Variants in SUCLG2 observed in about 807,000 individuals in gnomAD.
The protein encoded by SUCLG2 is succinate-CoA ligase GDP-forming subunit beta, also known as succinate--CoA ligase [GDP-forming] subunit beta, mitochondrial.
In SUCLG2, 42 loss-of-function variants were observed where a neutral mutation model predicts 47.9. The observed-to-expected ratio is 0.88, with a 90% confidence interval of 0.69 to 1.14. SUCLG2 has a LOEUF of 1.14. Ranked by LOEUF, SUCLG2 falls within the 50% of genes most tolerant of loss-of-function variation. The probability of loss-of-function intolerance (pLI) is 0.00; values close to 1 mark genes in which losing one functional copy is unlikely to be tolerated. For missense variants in SUCLG2, 571 were observed against 525.9 expected (o/e 1.09, Z -0.84); for synonymous variants, 195 against 197.3 (o/e 0.99, Z 0.10).
chr3:67,626,834 A>T (rs1489677375), intron 1 of SUCLG2, among the ~76,000 whole-genome samples: 2 of 149,588 alleles, frequency 1.3e-5, no homozygotes, highest in Non-Finnish European at 3.0e-5. Flanking sequence ...GAATGGCGTG[A>T]ACCCCGGAGG....
At chr3:67,487,517 C>CACACACAA (rs1559544243) in intron 9 of SUCLG2, among the ~76,000 whole-genome samples, 1 of 151,492 alleles carries the variant, frequency 6.6e-6, no homozygotes, top group Non-Finnish European at 1.5e-5. Context: ...CACACACACA[C>CACACACAA]AAACACACAC....
At position 67,528,231 on chromosome 3, in the gene SUCLG2, A is replaced by G. The variant is rs1390776226; in HGVS notation, c.327-9T>C. 4 of 1,610,568 alleles carry G rather than the reference A, an allele frequency of 2.5e-6. No individual in the cohort carries two copies. Among genetic ancestry groups the G allele is most frequent in the Non-Finnish European group, 3.4e-6 (4 of 1,177,042 alleles). ...GTCCCACAACATTAGGGCTAAGAGA[A>G]AGAGAAAACAAGCAGAAAATGAATG... On this transcript the variant is annotated splice_polypyrimidine_tract_variant and intron_variant, in intron 3 of 10. Coordinates refer to ENST00000307227, the MANE Select transcript of SUCLG2 (RefSeq NM_003848.4).
In SUCLG2 at chr3:67,578,631, G is replaced by A. The variant is rs1353122293; in HGVS notation, c.226+30824C>T. ...GACCACGGCTGAACCGGAGATCACA[G>A]CTTTCCGGAAGCTTGGTTATGGGAG... On this transcript the variant is annotated intron_variant, in intron 2 of 10. Coordinates refer to ENST00000307227, the MANE Select transcript of SUCLG2 (RefSeq NM_003848.4). 2.0e-5 allele frequency among the ~76,000 whole-genome samples: 3 copies of A among 152,166 alleles called. No homozygotes were observed. In the East Asian group the frequency reaches 5.8e-4, roughly 29 times the overall value.
At chr3:67,555,424 G>C (rs1241687806) in intron 2 of SUCLG2, among the ~76,000 whole-genome samples, 1 of 152,082 alleles carries the variant, frequency 6.6e-6, no homozygotes, top group Non-Finnish European at 1.5e-5. Flanking sequence ...ACTACCTCCT[G>C]AGATGGCCTA....
intron 6 of SUCLG2, among the ~76,000 whole-genome samples, chr3:67,516,129 T>C (rs1314288396): frequency 6.6e-6 from 1 of 152,194 alleles, no homozygotes; most frequent in Non-Finnish European, 1.5e-5. Context: ...TCAGTGCTCA[T>C]TCCAAGCTGC....
intron 2 of SUCLG2, among the ~76,000 whole-genome samples, chr3:67,564,654 C>T (rs1707404550): frequency 1.3e-5 from 2 of 152,194 alleles, no homozygotes; most frequent in Admixed American, 6.5e-5. Context: ...TTAAATGTGG[C>T]CCAATACAAA....
chr3:67,549,384 G>C (rs1706951095), intron 2 of SUCLG2, among the ~76,000 whole-genome samples: 1 of 152,152 alleles, frequency 6.6e-6, no homozygotes, highest in South Asian at 2.1e-4. Context: ...CAGGATTTTT[G>C]AAAGGAAACC....
intron 2 of SUCLG2, among the ~76,000 whole-genome samples, chr3:67,577,444 T>A (rs2634729): frequency 1.3e-5 from 2 of 152,070 alleles, no homozygotes; most frequent in South Asian, 4.2e-4. Flanking sequence ...AATCATGAGC[T>A]AGAGAGAAAA....
In SUCLG2 at chr3:67,532,756, C is replaced by A. The variant is rs148828807; in HGVS notation, c.227-3570G>T. 3.3e-5 allele frequency among the ~76,000 whole-genome samples: 5 copies of A among 152,246 alleles called. No homozygotes were observed. The East Asian group carries it at 9.7e-4, about 29-fold the overall frequency. On this transcript the variant is annotated intron_variant, in intron 2 of 10. Coordinates refer to ENST00000307227, the MANE Select transcript of SUCLG2 (RefSeq NM_003848.4). Reference sequence around the variant, plus strand: ...TCAAACACAGTATCACTTAAGAGAACAATATTTAGAGCGATTTAAAAAGTC... The same window carrying A: ...TCAAACACAGTATCACTTAAGAGAAAAATATTTAGAGCGATTTAAAAAGTC...
Position 67,375,794 on chromosome 3 carries a change from C to T in SUCLG2, c.1249G>A (p.Asp417Asn), listed in dbSNP as rs1446550524. Residue 417 changes from aspartate (D) to asparagine (N), a missense_variant, in exon 11 of 11, where the codon GAC (aspartate) becomes AAC (asparagine). Asp to Asn is a conservative substitution (Grantham distance 23, BLOSUM62 1). Transcript: ENST00000307227. ...GCCTTCTTGGCTGCATCCTCCAGGTCAATGGCTGAAGTAATGGGGAGTCCG... is the reference window on the plus strand; with the variant it reads ...GCCTTCTTGGCTGCATCCTCCAGGTTAATGGCTGAAGTAATGGGGAGTCCG... ...NSGLPITSAI[D>N]LEDAAKKAVA... The T allele has an allele frequency of 2.5e-6, 4 of 1,613,850 alleles. No individual in the cohort carries two copies. In the East Asian group the frequency reaches 8.9e-5, roughly 36 times the overall value.
intron 2 of SUCLG2, among the ~76,000 whole-genome samples, chr3:67,577,408 A>G (rs1282687234): frequency 6.6e-6 from 1 of 152,226 alleles, no homozygotes; most frequent in Non-Finnish European, 1.5e-5. Context: ...GACTCAGAGC[A>G]GAGCTTGGTT....
At chr3:67,460,321 A>G (rs1421810771) in intron 9 of SUCLG2, among the ~76,000 whole-genome samples, 2 of 152,252 alleles carry the variant, frequency 1.3e-5, no homozygotes, top group Non-Finnish European at 2.9e-5. Context: ...ATAGTACAAT[A>G]AAAGTGACAA....
intron 1 of SUCLG2, 133 bp from the exon 2 acceptor site, chr3:67,609,729 A>G: frequency 1.3e-6 from 1 of 774,386 alleles, no homozygotes; most frequent in South Asian, 2.4e-5. Flanking sequence ...GCAAAAGAAA[A>G]AAAAAACCCA....
chr3:67,430,623 G>A (rs968035371), intron 9 of SUCLG2, among the ~76,000 whole-genome samples: 2 of 152,182 alleles, frequency 1.3e-5, no homozygotes, highest in African/African-American at 4.8e-5. Context: ...GAAGGACATA[G>A]AGACACAAAA....
At chr3:67,447,308 AC>A (rs1703950066) in intron 9 of SUCLG2, among the ~76,000 whole-genome samples, 1 of 152,078 alleles carries the variant, frequency 6.6e-6, no homozygotes, top group Admixed American at 6.5e-5. Context: ...GAATGTCTTA[AC>A]AAGTCATTAC....
At chr3:67,649,375 T>TA (rs1210433325) in intron 1 of SUCLG2, among the ~76,000 whole-genome samples, 1 of 152,234 alleles carries the variant, frequency 6.6e-6, no homozygotes, top group East Asian at 1.9e-4. Flanking sequence ...CAACATTCTA[T>TA]AAAGAATGAG....
chr3:67,497,370 T>C (rs1304617510), intron 8 of SUCLG2, among the ~76,000 whole-genome samples: 1 of 152,196 alleles, frequency 6.6e-6, no homozygotes, highest in African/African-American at 2.4e-5. Context: ...TCTTGTGCAA[T>C]TAAGTCAGAA....
chr3:67,576,902 T>G (rs1707755682), intron 2 of SUCLG2, among the ~76,000 whole-genome samples: 1 of 149,838 alleles, frequency 6.7e-6, no homozygotes, highest in South Asian at 2.1e-4. Flanking sequence ...CTTGTCAATA[T>G]CAGTCATTTA....
intron 2 of SUCLG2, among the ~76,000 whole-genome samples, chr3:67,549,692 G>A (rs1472847870): frequency 6.6e-6 from 1 of 152,106 alleles, no homozygotes; most frequent in African/African-American, 2.4e-5. Flanking sequence ...AGGAGTAACA[G>A]TACATTGTTA....
Sources: gnomAD v4.1 joint callset for allele counts (sites outside exome capture counted in the v4.1 genomes callset) on GRCh38, gnomAD v4.1.1 for gene constraint, MANE v1.5 for transcripts, NCBI Gene and HGNC (gene_info 2026-07-23, HGNC 2026-07-21) for gene names.